Variants in CADM2 observed in about 807,000 individuals in gnomAD.
CADM2 encodes the protein immunoglobulin superfamily member 4D.
A neutral mutation model predicts 49.8 loss-of-function variants in CADM2; 12 were observed. The observed-to-expected ratio is 0.24, with a 90% CI of 0.15 to 0.39. CADM2 has a LOEUF of 0.39. Ranked by LOEUF, CADM2 falls within the 10% of genes least tolerant of loss-of-function variation. CADM2 has a pLI of 1.00. For missense variants in CADM2, 378 were observed against 492.3 expected (o/e 0.77, Z 2.20); for synonymous variants, 214 against 175.4 (o/e 1.22, Z -1.74).
intron 1 of CADM2, among the ~76,000 whole-genome samples, chr3:85,310,826 C>T (rs1474483230): frequency 6.6e-6 from 1 of 152,056 alleles, no homozygotes; most frequent in African/African-American, 2.4e-5. Context: ...TTCTCTCCAA[C>T]CTGGAATTGG....
At chr3:85,774,060 A>C (rs1034442798) in intron 2 of CADM2, among the ~76,000 whole-genome samples, 3 of 151,844 alleles carry the variant, frequency 2.0e-5, no homozygotes, top group African/African-American at 7.2e-5. Flanking sequence ...TGTACTTTTC[A>C]TTAGATCCTT....
At chr3:85,076,831 G>C (rs907370925) in intron 1 of CADM2, among the ~76,000 whole-genome samples, 1 of 151,970 alleles carries the variant, frequency 6.6e-6, no homozygotes, top group Admixed American at 6.6e-5. Flanking sequence ...AATTACAAGG[G>C]CGTGGTGGCA....
At chr3:85,055,781 G>A (rs1179026070) in intron 1 of CADM2, among the ~76,000 whole-genome samples, 1 of 151,958 alleles carries the variant, frequency 6.6e-6, no homozygotes, top group African/African-American at 2.4e-5. Context: ...GACTCATGGA[G>A]CACACTTTGA....
At chr3:85,592,865 C>T (rs552892105) in intron 1 of CADM2, among the ~76,000 whole-genome samples, 108 of 151,938 alleles carry the variant, frequency 7.1e-4, no homozygotes, top group Non-Finnish European at 1.3e-3. Flanking sequence ...GCCTCCCAAC[C>T]TCCGACAGGC....
rs575162791 is a variant in CADM2, at chr3:85,769,277, A to G, written c.89-32770A>G. On this transcript the variant is annotated intron_variant, in intron 2 of 9. Coordinates refer to ENST00000383699, the MANE Select transcript of CADM2 (RefSeq NM_001167675.2). The stretch of plus-strand genomic sequence containing the variant: ...ATAGTATATATACACATATATACAT[A>G]TATACATATATAGTATATATACACG... 3.3e-3 allele frequency among the ~76,000 whole-genome samples: 399 copies of G among 120,240 alleles called. 12 individuals carry two copies. Among genetic ancestry groups the G allele is most frequent in the African/African-American group, 5.4e-3 (170 of 31,202 alleles). 78.9% of individuals were successfully genotyped at this position (120,240 alleles called of 152,430 possible).
chr3:86,039,597 G>T (rs11924652), intron 8 of CADM2, among the ~76,000 whole-genome samples: 5 of 152,014 alleles, frequency 3.3e-5, no homozygotes, highest in Non-Finnish European at 2.9e-5. Context: ...AGCTCGAATT[G>T]GGTGGAGCCC....
chr3:86,055,481 G>GTTTTTTTTT (rs1440467932), intron 8 of CADM2, among the ~76,000 whole-genome samples: 14 of 121,050 alleles, frequency 1.2e-4, no homozygotes, highest in African/African-American at 3.6e-4. Flanking sequence ...TTTTTTTTTG[G>GTTTTTTTTT]TTTTAGAGGG....
intron 3 of CADM2, among the ~76,000 whole-genome samples, chr3:85,844,225 T>C (rs904635439): frequency 6.6e-6 from 1 of 152,072 alleles, no homozygotes; most frequent in Non-Finnish European, 1.5e-5. Context: ...AATAGATAAT[T>C]AGAAAAGATC....
At chr3:85,507,486 G>A (rs1448332542) in intron 1 of CADM2, among the ~76,000 whole-genome samples, 2 of 152,032 alleles carry the variant, frequency 1.3e-5, no homozygotes, top group African/African-American at 4.8e-5. Flanking sequence ...ACCATGCCCG[G>A]CCTTTTTAAA....
At chr3:85,264,782 A>G (rs922306421) in intron 1 of CADM2, among the ~76,000 whole-genome samples, 12 of 152,096 alleles carry the variant, frequency 7.9e-5, no homozygotes, top group Admixed American at 7.9e-4. Flanking sequence ...TGGAGTATGT[A>G]TTATTTGTTT....
At chr3:85,188,807 G>A (rs1229968155) in intron 1 of CADM2, among the ~76,000 whole-genome samples, 2 of 151,858 alleles carry the variant, frequency 1.3e-5, no homozygotes, top group Non-Finnish European at 2.9e-5. Context: ...TGAGGTGGGC[G>A]GATCACGAGG....
chr3:85,575,492 A>G (rs182670812), intron 1 of CADM2, among the ~76,000 whole-genome samples: 99 of 152,356 alleles, frequency 6.5e-4, no homozygotes, highest in African/African-American at 2.3e-3. Flanking sequence ...CGAAGCTTGC[A>G]GTGAGCCGAG....
Position 85,105,593 on chromosome 3 carries a change from G to A in CADM2, c.61+145925G>A, listed in dbSNP as rs540400290. On this transcript the variant is annotated intron_variant, in intron 1 of 9. Coordinates refer to ENST00000383699, the MANE Select transcript of CADM2 (RefSeq NM_001167675.2). Reference sequence around the variant, plus strand: ...ATTTGACCCAGCCATCCCATTACTGGGTATATACCCAAGGGACTATAAATC... The same window carrying A: ...ATTTGACCCAGCCATCCCATTACTGAGTATATACCCAAGGGACTATAAATC... Among the ~76,000 whole-genome samples the A allele has an allele frequency of 7.9e-4, 120 of 152,094 alleles. 1 individual carries two copies. Among genetic ancestry groups the A allele is most frequent in the Non-Finnish European group, 1.1e-3 (76 of 68,002 alleles).
At chr3:85,150,161 A>G (rs2039878359) in intron 1 of CADM2, among the ~76,000 whole-genome samples, 1 of 152,176 alleles carries the variant, frequency 6.6e-6, no homozygotes, top group Non-Finnish European at 1.5e-5. Context: ...AGGGAATTAA[A>G]TTTTAGCTTT....
chr3:86,019,527 AT>A (rs1732833681), intron 8 of CADM2, among the ~76,000 whole-genome samples: 1 of 148,560 alleles, frequency 6.7e-6, no homozygotes. Context: ...ATGTTCTTCC[AT>A]TTGTTTGTAT....
At chr3:85,826,924 T>C (rs2073942095) in intron 3 of CADM2, among the ~76,000 whole-genome samples, 2 of 151,852 alleles carry the variant, frequency 1.3e-5, no homozygotes, top group African/African-American at 4.8e-5. Flanking sequence ...GAAGTTAGAA[T>C]AGATATAATG....
intron 2 of CADM2, among the ~76,000 whole-genome samples, chr3:85,754,300 C>A (rs999396980): frequency 6.6e-6 from 1 of 152,060 alleles, no homozygotes; most frequent in Non-Finnish European, 1.5e-5. Flanking sequence ...CAGGTGCAAC[C>A]AATTATTCTT....
At chr3:85,031,635 C>T (rs1247303337) in intron 1 of CADM2, among the ~76,000 whole-genome samples, 1 of 152,180 alleles carries the variant, frequency 6.6e-6, no homozygotes, top group Non-Finnish European at 1.5e-5. Context: ...CTGCCTCAGC[C>T]TCCCGAGTAG....
chr3:85,826,617 G>A (rs1050592273), intron 3 of CADM2, among the ~76,000 whole-genome samples: 3 of 151,906 alleles, frequency 2.0e-5, no homozygotes, highest in Non-Finnish European at 4.4e-5. Context: ...TGATAGTGGG[G>A]AAATGAAGGA....
Sources: gnomAD v4.1 joint callset for allele counts (sites outside exome capture counted in the v4.1 genomes callset) on GRCh38, gnomAD v4.1.1 for gene constraint, MANE v1.5 for transcripts, NCBI Gene and HGNC (gene_info 2026-07-23, HGNC 2026-07-21) for gene names.